Variants in PCDHA5 observed in about 807,000 individuals in gnomAD.
The protein encoded by PCDHA5 is protocadherin alpha-5.
PCDHA5 carries 43 observed loss-of-function variants against 61.6 expected under a neutral mutation model. That is an observed-to-expected ratio of 0.70 (90% CI 0.55 to 0.90). The LOEUF (loss-of-function observed/expected upper bound fraction) is 0.90, where lower values mean the gene tolerates loss of function less well. Ranked by LOEUF, PCDHA5 falls within the 40% of genes least tolerant of loss-of-function variation. PCDHA5 has a pLI of 0.00. For synonymous variants in PCDHA5, 627 were observed against 543.9 expected (o/e 1.15, Z -2.13); for missense variants, 1,298 against 1,222.7 (o/e 1.06, Z -0.92).
At chr5:140,969,346 AG>A (rs2096322383) in intron 1 of PCDHA5, 1 of 1,613,510 alleles carries the variant, frequency 6.2e-7, no homozygotes, top group African/African-American at 1.3e-5. Flanking sequence ...GACAGTGGTC[AG>A]GGGGTCTTCT....
intron 1 of PCDHA5, chr5:140,883,418 C>G: frequency 6.2e-7 from 1 of 1,614,172 alleles, no homozygotes; most frequent in Non-Finnish European, 8.5e-7. Context: ...CTCAAATGGA[C>G]AGGTCACCTG....
intron 1 of PCDHA5, among the ~76,000 whole-genome samples, chr5:140,931,244 T>C (rs1161128281): frequency 6.6e-6 from 1 of 152,168 alleles, no homozygotes; most frequent in Non-Finnish European, 1.5e-5. Context: ...ACACTTTTCC[T>C]ACCAAGAAAT....
chr5:140,907,167 T>C (rs1200819434), intron 1 of PCDHA5, among the ~76,000 whole-genome samples: 3 of 152,166 alleles, frequency 2.0e-5, no homozygotes, highest in Non-Finnish European at 4.4e-5. Context: ...ATATATTGGA[T>C]GCTGATTCAG....
chr5:140,824,708 T>A (rs1554130043), intron 1 of PCDHA5: 1 of 146,138 alleles, frequency 6.8e-6, no homozygotes, highest in African/African-American at 2.5e-5. Flanking sequence ...CATGCTCCCG[T>A]CTCAGCCTCC....
At chr5:140,899,250 G>A (rs1232558400) in intron 1 of PCDHA5, among the ~76,000 whole-genome samples, 1 of 152,118 alleles carries the variant, frequency 6.6e-6, no homozygotes, top group African/African-American at 2.4e-5. Flanking sequence ...GGTGAGAGAG[G>A]GCATCCCTGT....
chr5:140,888,446 A>G (rs1411131603), intron 1 of PCDHA5, among the ~76,000 whole-genome samples: 3 of 152,190 alleles, frequency 2.0e-5, no homozygotes, highest in Non-Finnish European at 2.9e-5. Context: ...GCCCAACAAT[A>G]AAGAATTAGC....
chr5:140,858,664 A>C lies in PCDHA5; in HGVS notation c.2352+34537A>C, dbSNP rs972477672. ...TGGTACTTAAATTTTTTTAAATAAC[A>C]ATTTATTCTGAATACACTAATATTT... On this transcript the variant is annotated intron_variant, in intron 1 of 3. Transcript: ENST00000529859. 30 of 728,612 alleles carry C rather than the reference A, an allele frequency of 4.1e-5. No homozygotes were observed. In the African/African-American group the frequency reaches 4.8e-4, roughly 12 times the overall value. 45.1% of individuals were successfully genotyped at this position (728,612 alleles called of 1,614,324 possible).
chr5:140,836,661 T>C (rs2150267176), intron 1 of PCDHA5: 1 of 1,613,416 alleles, frequency 6.2e-7, no homozygotes, highest in Non-Finnish European at 8.5e-7. Context: ...GAGGGTGTGC[T>C]CTGGGGAGGG....
At chr5:140,836,640 C>T (rs1554136168) in intron 1 of PCDHA5, 21 of 1,613,350 alleles carry the variant, frequency 1.3e-5, no homozygotes, top group Non-Finnish European at 1.6e-5. Context: ...ATTCTCCCAG[C>T]AGAGGCGGCA....
At chr5:140,996,884 A>T (rs1411027110) in intron 3 of PCDHA5, among the ~76,000 whole-genome samples, 1 of 152,186 alleles carries the variant, frequency 6.6e-6, no homozygotes, top group African/African-American at 2.4e-5. Flanking sequence ...TGTATTTTTA[A>T]ATAAAATAGA....
chr5:140,892,232 T>C (rs2063437812), intron 1 of PCDHA5, among the ~76,000 whole-genome samples: 1 of 152,176 alleles, frequency 6.6e-6, no homozygotes, highest in African/African-American at 2.4e-5. Context: ...GTGTTTTGTC[T>C]CCACATAAAC....
chr5:140,955,813 G>A (rs1428196745), intron 1 of PCDHA5, among the ~76,000 whole-genome samples: 1 of 152,096 alleles, frequency 6.6e-6, no homozygotes, highest in Non-Finnish European at 1.5e-5. Context: ...TGTGTCCACT[G>A]TGATTTCCTT....
intron 1 of PCDHA5, chr5:140,876,227 C>T (rs782218758): frequency 2.5e-6 from 4 of 1,613,794 alleles, no homozygotes; most frequent in South Asian, 2.2e-5. Flanking sequence ...GTAGTGTTGT[C>T]TGAAAATGTC....
intron 1 of PCDHA5, chr5:140,857,896 T>G: frequency 6.3e-7 from 1 of 1,597,704 alleles, no homozygotes; most frequent in Admixed American, 1.7e-5. Flanking sequence ...CGGCGGTTGG[T>G]GCACGCATCC....
At chr5:140,924,837 G>A (rs1310509638) in intron 1 of PCDHA5, among the ~76,000 whole-genome samples, 2 of 151,426 alleles carry the variant, frequency 1.3e-5, no homozygotes, top group African/African-American at 4.9e-5. Flanking sequence ...GGAGGTTGCA[G>A]GGAGCTCAGA....
At chr5:140,830,470 A>G in intron 1 of PCDHA5, 2 of 1,563,546 alleles carry the variant, frequency 1.3e-6, no homozygotes, top group Non-Finnish European at 8.7e-7. Context: ...ATTTAAATGA[A>G]GATCATGATG....
At position 140,869,619 on chromosome 5, in the gene PCDHA5, A is replaced by G. The variant is rs369497274; in HGVS notation, c.2352+45492A>G. On this transcript the variant is annotated intron_variant, in intron 1 of 3. Transcript: ENST00000529859. ...AGAATGCTCTATTGACCTACAGGCT[A>G]AGTAAAAATGAGTATTTTTCTTTAG... The G allele has an allele frequency of 6.6e-5, 106 of 1,613,784 alleles. 2 individuals carry two copies. The Middle Eastern group carries it at 4.9e-3, about 75-fold the overall frequency.
intron 1 of PCDHA5, among the ~76,000 whole-genome samples, chr5:140,895,123 T>C (rs1583185390): frequency 6.6e-6 from 1 of 152,300 alleles, no homozygotes; most frequent in East Asian, 1.9e-4. Flanking sequence ...CATTTGTTAG[T>C]TGACAAGTTC....
chr5:140,903,431 A>G (rs1431018780), intron 1 of PCDHA5, among the ~76,000 whole-genome samples: 3 of 152,242 alleles, frequency 2.0e-5, no homozygotes, highest in South Asian at 2.1e-4. Context: ...CACAATATGT[A>G]TCAGTGGAAT....
Sources: allele counts gnomAD v4.1 joint callset (sites outside exome capture counted in the v4.1 genomes callset), GRCh38; gene constraint gnomAD v4.1.1; transcripts MANE v1.5; gene names NCBI Gene and HGNC (gene_info 2026-07-23, HGNC 2026-07-21).